The following RGS7 variants were observed in gnomAD, a reference collection of about 807,000 sequenced individuals.
RGS7 encodes the protein regulator of G protein signaling 7.
A neutral mutation model predicts 81.1 loss-of-function variants in RGS7; 27 were observed. The observed-to-expected ratio is 0.33, with a 90% confidence interval of 0.25 to 0.46. RGS7 has a LOEUF of 0.46. Among genes scored for constraint, RGS7 ranks in the 20% least tolerant of loss-of-function variants. RGS7 has a pLI of 1.00. For missense variants in RGS7, 396 were observed against 607.4 expected, an observed-to-expected ratio of 0.65 and a Z score of 3.66; for synonymous variants, 208 against 207.7, an observed-to-expected ratio of 1.00 and a Z score of -0.01.
At chr1:241,013,053 C>CTTTTT (rs146066815) in intron 3 of RGS7, among the ~76,000 whole-genome samples, 9 of 80,334 alleles carry the variant, frequency 1.1e-4, no homozygotes, top group African/African-American at 2.3e-4. Context: ...CTGACCCCTC[C>CTTTTT]TTTTTTTTTT....
At chr1:241,281,690 C>A (rs2078521726) in intron 2 of RGS7, among the ~76,000 whole-genome samples, 1 of 152,180 alleles carries the variant, frequency 6.6e-6, no homozygotes, top group Non-Finnish European at 1.5e-5. Flanking sequence ...CAGCATGGCA[C>A]TGTAAATGTA....
At chr1:240,802,254 G>T (rs1311525236) in intron 16 of RGS7, among the ~76,000 whole-genome samples, 1 of 152,128 alleles carries the variant, frequency 6.6e-6, no homozygotes, top group Non-Finnish European at 1.5e-5. Flanking sequence ...TTTATGTCCA[G>T]ATTTTCTCTT....
intron 15 of RGS7, among the ~76,000 whole-genome samples, chr1:240,805,057 T>C (rs1688621886): frequency 6.6e-6 from 1 of 152,124 alleles, no homozygotes; most frequent in South Asian, 2.1e-4. Flanking sequence ...AGTATGCACG[T>C]TCTGATTTAA....
chr1:241,253,736 CA>C (rs909520668), intron 2 of RGS7, among the ~76,000 whole-genome samples: 6 of 152,158 alleles, frequency 3.9e-5, no homozygotes, highest in Admixed American at 6.5e-5. Context: ...AAAGTTCCCC[CA>C]GGGTTTCTGA....
intron 6 of RGS7, among the ~76,000 whole-genome samples, chr1:240,874,159 G>T (rs1343146792): frequency 1.3e-5 from 2 of 152,212 alleles, no homozygotes; most frequent in African/African-American, 4.8e-5. Context: ...CATCAAATCA[G>T]TTGGCACTTT....
chr1:241,290,232 G>A (rs1461333778), intron 2 of RGS7, among the ~76,000 whole-genome samples: 1 of 152,130 alleles, frequency 6.6e-6, no homozygotes, highest in Non-Finnish European at 1.5e-5. Context: ...ATGATCAGGA[G>A]GAAAAACAGC....
chr1:241,065,615 G>A (rs2062014711), intron 3 of RGS7, among the ~76,000 whole-genome samples: 1 of 152,152 alleles, frequency 6.6e-6, no homozygotes, highest in Non-Finnish European at 1.5e-5. Context: ...AAATTTAGAT[G>A]TGAAATTAAT....
At chr1:240,786,259 TATACACAG>T (rs1685049434) in intron 18 of RGS7, among the ~76,000 whole-genome samples, 2 of 152,224 alleles carry the variant, frequency 1.3e-5, no homozygotes, top group South Asian at 4.1e-4. Context: ...TCTACCTTTT[TATACACAG>T]ATACATGTTT....
At chr1:240,865,769 CT>C (rs1416397427) in intron 9 of RGS7, among the ~76,000 whole-genome samples, 17 of 152,126 alleles carry the variant, frequency 1.1e-4, no homozygotes, top group African/African-American at 4.1e-4. Flanking sequence ...CTGTTTTCCC[CT>C]ATGCCACTTT....
chr1:241,259,452 C>T (rs1481093970), intron 2 of RGS7, among the ~76,000 whole-genome samples: 5 of 151,020 alleles, frequency 3.3e-5, no homozygotes, highest in Admixed American at 6.6e-5. Context: ...ATCGGTAGTT[C>T]GAGACCAGCC....
chr1:241,216,456 G>A (rs769302122), intron 2 of RGS7, among the ~76,000 whole-genome samples: 1 of 152,040 alleles, frequency 6.6e-6, no homozygotes, highest in Admixed American at 6.6e-5. Context: ...TTAGAAAAAC[G>A]TTTTTACCAA....
chr1:240,816,259 G>T, intron 11 of RGS7, 58 bp downstream of exon 11: 1 of 1,076,986 alleles, frequency 9.3e-7, no homozygotes, highest in Non-Finnish European at 1.4e-6. Flanking sequence ...TTTACCCTCT[G>T]GTTTTCATAG....
At chr1:240,812,415 C>T (rs1690009397) in intron 13 of RGS7, among the ~76,000 whole-genome samples, 1 of 150,324 alleles carries the variant, frequency 6.7e-6, no homozygotes, top group African/African-American at 2.4e-5. Context: ...ATATTCTGAC[C>T]CCAGTGCCAC....
At chr1:241,346,916 A>G (rs1217053301) in intron 2 of RGS7, among the ~76,000 whole-genome samples, 1 of 152,168 alleles carries the variant, frequency 6.6e-6, no homozygotes, top group Non-Finnish European at 1.5e-5. Context: ...CAAAGAGAAA[A>G]AACATTGTAA....
At chr1:241,180,156 C>T (rs189174791) in intron 2 of RGS7, among the ~76,000 whole-genome samples, 1 of 152,160 alleles carries the variant, frequency 6.6e-6, no homozygotes, top group Admixed American at 6.6e-5. Context: ...AGGCGGATCA[C>T]GAGGTCAGAT....
intron 2 of RGS7, among the ~76,000 whole-genome samples, chr1:241,165,416 T>C (rs933417476): frequency 6.6e-5 from 10 of 151,834 alleles, no homozygotes; most frequent in Non-Finnish European, 1.0e-4. Flanking sequence ...ATTAAGAAAA[T>C]GTGGCACATA....
intron 18 of RGS7, among the ~76,000 whole-genome samples, chr1:240,781,877 T>C (rs1040130901): frequency 6.6e-6 from 1 of 151,958 alleles, no homozygotes; most frequent in African/African-American, 2.4e-5. Flanking sequence ...TAGCTGGGCA[T>C]GGTGGCGGTC....
chr1:240,792,373 C>A (rs12403767), intron 18 of RGS7, among the ~76,000 whole-genome samples: 2 of 152,166 alleles, frequency 1.3e-5, no homozygotes, highest in Admixed American at 1.3e-4. Flanking sequence ...CCTCCTATCT[C>A]TAGATTCTCC....
chr1:240,785,691 T>C (rs1572070003), intron 18 of RGS7, among the ~76,000 whole-genome samples: 1 of 152,258 alleles, frequency 6.6e-6, no homozygotes, highest in African/African-American at 2.4e-5. Flanking sequence ...GGGTCACTGG[T>C]CACACCCTAA....
Sources: gnomAD v4.1 joint callset for allele counts (sites outside exome capture counted in the v4.1 genomes callset) on GRCh38, gnomAD v4.1.1 for gene constraint, MANE v1.5 for transcripts, NCBI Gene and HGNC (gene_info 2026-07-23, HGNC 2026-07-21) for gene names.